Variants in MLIP observed in about 807,000 individuals in gnomAD.
The protein encoded by MLIP is muscular LMNA interacting protein, also known as muscular LMNA-interacting protein.
In MLIP, 79 loss-of-function variants were observed where a neutral mutation model predicts 84.8. The observed-to-expected ratio is 0.93, with a 90% CI of 0.78 to 1.12. The LOEUF is 1.12. Ranked by LOEUF, MLIP falls within the 50% of genes most tolerant of loss-of-function variation. MLIP has a pLI of 0.00. For synonymous variants in MLIP, 504 were observed against 463.0 expected, an observed-to-expected ratio of 1.09 and a Z score of -1.14; for missense variants, 1,257 against 1,160.6, an observed-to-expected ratio of 1.08 and a Z score of -1.21.
intron 11 of MLIP, among the ~76,000 whole-genome samples, chr6:54,225,891 A>G (rs1341612926): frequency 1.3e-5 from 2 of 152,252 alleles, no homozygotes; most frequent in African/African-American, 4.8e-5. Context: ...GTCTACAAGT[A>G]TGGGAAGTAA....
rs200692573 is a variant in MLIP, at chr6:54,265,961, G to C, written c.*6G>C. ...CTCTTATTTTACAGCAATGAAGTTG[G>C]AGCAGAGGCTGAAAACACAGGCTGC... On this transcript the variant is annotated 3_prime_UTR_variant, in exon 14 of 14. Coordinates refer to ENST00000502396, the MANE Select transcript of MLIP (RefSeq NM_001281747.2). The C allele has an allele frequency of 1.9e-6, 3 of 1,611,714 alleles. No homozygotes were observed. Among genetic ancestry groups the C allele is most frequent in the East Asian group, 4.5e-5 (2 of 44,760 alleles).
At chr6:54,205,556 G>C (rs1562055383) in intron 11 of MLIP, among the ~76,000 whole-genome samples, 2 of 46,374 alleles carry the variant, frequency 4.3e-5, no homozygotes, top group Non-Finnish European at 1.1e-4. Context: ...AGATGATAAT[G>C]AGACCTGACA....
chr6:54,135,147 A>G (rs765896863), intron 3 of MLIP, among the ~76,000 whole-genome samples: 1 of 152,156 alleles, frequency 6.6e-6, no homozygotes, highest in Non-Finnish European at 1.5e-5. Flanking sequence ...TTGGATTTAA[A>G]TATATCTCTA....
intron 1 of MLIP, among the ~76,000 whole-genome samples, chr6:54,093,009 T>A (rs150483277): frequency 0.026 from 3,965 of 152,246 alleles, 56 homozygotes; most frequent in Non-Finnish European, 0.039. Flanking sequence ...CCTGAGTAGC[T>A]GGGATTACAG....
chr6:54,251,071 G>T (rs1475606716), intron 12 of MLIP, among the ~76,000 whole-genome samples: 1 of 151,896 alleles, frequency 6.6e-6, no homozygotes, highest in African/African-American at 2.4e-5. Context: ...CTATTAGCAG[G>T]TACTTAATAA....
In MLIP at chr6:54,137,211, C is replaced by A. The variant is rs1009681366; in HGVS notation, c.1142C>A (p.Thr381Asn). The part of the protein sequence containing the change: ...HSLSPSPKPF[T>N]SSFHGSSSTI... ...CTCTCTCCGAGCCCCAAACCATTTACCTCCTCTTTCCACGGCTCTTCTTCC... is the reference window on the plus strand; with the variant it reads ...CTCTCTCCGAGCCCCAAACCATTTAACTCCTCTTTCCACGGCTCTTCTTCC... Residue 381 changes from threonine (T) to asparagine (N), a missense_variant, in exon 4 of 14, where the codon ACC becomes AAC. By Grantham distance (65) the Thr-to-Asn change is moderately conservative. Coordinates refer to ENST00000502396, the MANE Select transcript of MLIP (RefSeq NM_001281747.2). 6.5e-6 allele frequency: 10 copies of A among 1,536,056 alleles called. No individual in the cohort carries two copies. The South Asian group carries it at 1.2e-4, about 18-fold the overall frequency.
At chr6:54,109,199 T>A (rs1214588746), upstream of MLIP, among the ~76,000 whole-genome samples, 2 of 135,670 alleles carry the variant, frequency 1.5e-5, no homozygotes, top group Non-Finnish European at 3.1e-5. Flanking sequence ...TAATTCAAGA[T>A]CTTTGATGAC....
upstream of MLIP, among the ~76,000 whole-genome samples, chr6:54,106,977 A>G (rs1382026721): frequency 2.6e-5 from 4 of 152,216 alleles, no homozygotes; most frequent in Non-Finnish European, 4.4e-5. Flanking sequence ...TCCAGGGGAT[A>G]GGAAGAGGAC....
intron 11 of MLIP, among the ~76,000 whole-genome samples, chr6:54,210,405 C>G (rs1192606948): frequency 6.6e-6 from 1 of 152,134 alleles, no homozygotes; most frequent in African/African-American, 2.4e-5. Flanking sequence ...CACCAAACTT[C>G]CTTGATGAAA....
At chr6:54,226,327 T>C (rs1375199416) in intron 11 of MLIP, among the ~76,000 whole-genome samples, 1 of 152,210 alleles carries the variant, frequency 6.6e-6, no homozygotes, top group Non-Finnish European at 1.5e-5. Context: ...CGACCCGCAC[T>C]GTCTCTTCTA....
intron 5 of MLIP, among the ~76,000 whole-genome samples, chr6:54,150,786 C>T (rs1438464424): frequency 6.6e-6 from 1 of 152,112 alleles, no homozygotes; most frequent in Non-Finnish European, 1.5e-5. Flanking sequence ...GAATTCTCTT[C>T]CAATTAACTA....
At chr6:54,216,195 A>G (rs1779842687) in intron 11 of MLIP, 14 of 985,156 alleles carry the variant, frequency 1.4e-5, no homozygotes, top group Non-Finnish European at 1.7e-5. Flanking sequence ...CTTTAGAATC[A>G]CTTCAATTTT....
intron 5 of MLIP, among the ~76,000 whole-genome samples, chr6:54,156,851 G>C (rs1031500437): frequency 6.6e-6 from 1 of 152,090 alleles, no homozygotes; most frequent in Admixed American, 6.6e-5. Flanking sequence ...GTAGGGTAAA[G>C]ATATAGTTTA....
At chr6:54,121,423 T>A (rs1369592029) in intron 1 of MLIP, 24 bp from the exon 2 acceptor site, 2 of 1,610,586 alleles carry the variant, frequency 1.2e-6, no homozygotes, top group Non-Finnish European at 1.7e-6. Context: ...AGGCTGAAAG[T>A]CTAATTAACT....
chr6:54,080,614 CAT>C (rs1156973884), intron 1 of MLIP, among the ~76,000 whole-genome samples: 2 of 151,086 alleles, frequency 1.3e-5, no homozygotes, highest in African/African-American at 4.9e-5. Context: ...GATAAAAAGA[CAT>C]ACACATTTTT....
At chr6:54,201,998 A>G (rs1049317417) in intron 10 of MLIP, 107 bp from the exon 11 acceptor site, 2 of 786,104 alleles carry the variant, frequency 2.5e-6, no homozygotes, top group Non-Finnish European at 3.5e-6. Flanking sequence ...TTAAAAAAAT[A>G]TAATTTTCTG....
chr6:54,040,076 C>T (rs1764658342), intron 1 of MLIP, among the ~76,000 whole-genome samples: 1 of 151,964 alleles, frequency 6.6e-6, no homozygotes, highest in Non-Finnish European at 1.5e-5. Context: ...TGTCTCTCAT[C>T]ATTTTTGAGC....
chr6:54,118,795 T>A (rs549527981), intron 1 of MLIP, among the ~76,000 whole-genome samples: 1 of 151,898 alleles, frequency 6.6e-6, no homozygotes, highest in Non-Finnish European at 1.5e-5. Flanking sequence ...CCAAAAAATA[T>A]TAAAAAAACC....
intron 1 of MLIP, among the ~76,000 whole-genome samples, chr6:54,027,374 T>TACAC (rs70980886): frequency 2.6e-4 from 38 of 148,618 alleles, no homozygotes; most frequent in African/African-American, 9.2e-4. Flanking sequence ...ATAAAAAAAA[T>TACAC]ACACACACAC....
Sources: gnomAD v4.1 joint callset for allele counts (sites outside exome capture counted in the v4.1 genomes callset) on GRCh38, gnomAD v4.1.1 for gene constraint, MANE v1.5 for transcripts, NCBI Gene and HGNC (gene_info 2026-07-23, HGNC 2026-07-21) for gene names.